The following WWC1 variants were observed in gnomAD, a reference collection of about 807,000 sequenced individuals.
The protein encoded by WWC1 is protein KIBRA.
In WWC1, 55 loss-of-function variants were observed where a neutral mutation model predicts 138.4. The ratio of observed to expected loss-of-function variants is 0.40; its 90% CI spans 0.32 to 0.50. WWC1 has a LOEUF of 0.50. Ranked by LOEUF, WWC1 falls within the 20% of genes least tolerant of loss-of-function variation. The probability of loss-of-function intolerance (pLI) is 0.72; values close to 1 mark genes in which losing one functional copy is unlikely to be tolerated. For synonymous variants in WWC1, 524 were observed against 564.9 expected, an observed-to-expected ratio of 0.93 and a Z score of 1.03; for missense variants, 1,226 against 1,420.4, an observed-to-expected ratio of 0.86 and a Z score of 2.20.
intron 1 of WWC1, among the ~76,000 whole-genome samples, chr5:168,348,785 G>T (rs553037546): frequency 6.6e-6 from 1 of 152,268 alleles, no homozygotes; most frequent in East Asian, 1.9e-4. Flanking sequence ...TTGGGGTGGG[G>T]CCAGGGGTAT....
At chr5:168,369,895 A>ATTTTTT (rs35999257) in intron 1 of WWC1, among the ~76,000 whole-genome samples, 20 of 89,006 alleles carry the variant, frequency 2.2e-4, no homozygotes, top group African/African-American at 7.7e-4. Context: ...TCATTGTGCA[A>ATTTTTT]TTTTTTTTTT....
At chr5:168,446,624 G>C (rs973181378) in intron 17 of WWC1, among the ~76,000 whole-genome samples, 1 of 152,178 alleles carries the variant, frequency 6.6e-6, no homozygotes, top group Non-Finnish European at 1.5e-5. Context: ...AGAATGTGAC[G>C]AGCACCACAG....
chr5:168,461,662 G>A (rs1756822398), intron 20 of WWC1, among the ~76,000 whole-genome samples: 2 of 152,224 alleles, frequency 1.3e-5, no homozygotes, highest in African/African-American at 4.8e-5. Context: ...AGGGCTGCAG[G>A]AGATGCAGGG....
In WWC1 at chr5:168,423,646, C is replaced by G. The variant is rs779594601; in HGVS notation, c.1388C>G (p.Thr463Ser). The change falls in exon 11 of 23, where the codon ACT (threonine) becomes AGT (serine). Residue 463 changes from threonine to serine, a missense_variant. Thr to Ser is a moderately conservative substitution (Grantham distance 58). This residue lies in a region of WWC1 where 1,016 missense variants were observed against 1,153.9 expected (regional missense o/e 0.88). Transcript: ENST00000265293. Reference sequence around the variant, plus strand: ...GACTCCTCCACTTCAGCCAGCTTCACTGACCTCTACTATGACCCCTTTGAG... The same window carrying G: ...GACTCCTCCACTTCAGCCAGCTTCAGTGACCTCTACTATGACCCCTTTGAG... ...SLDSSTSASF[T>S]DLYYDPFEQL... 16 of 1,614,188 alleles carry G rather than the reference C, an allele frequency of 9.9e-6. No homozygotes were observed. Among genetic ancestry groups the G allele is most frequent in the Non-Finnish European group, 1.3e-5 (15 of 1,180,034 alleles).
At chr5:168,332,152 A>G (rs1198261619) in intron 1 of WWC1, among the ~76,000 whole-genome samples, 1 of 152,076 alleles carries the variant, frequency 6.6e-6, no homozygotes, top group Non-Finnish European at 1.5e-5. Flanking sequence ...TCTCAAAAAA[A>G]AAAAAAAGAT....
intron 1 of WWC1, among the ~76,000 whole-genome samples, chr5:168,334,373 C>G (rs566226048): frequency 1.3e-4 from 20 of 152,266 alleles, no homozygotes; most frequent in Admixed American, 3.3e-4. Flanking sequence ...CAACAGGTCT[C>G]GAGAGACATT....
chr5:168,362,684 G>C (rs918987189), intron 1 of WWC1, among the ~76,000 whole-genome samples: 1 of 152,250 alleles, frequency 6.6e-6, no homozygotes, highest in African/African-American at 2.4e-5. Flanking sequence ...GCAGCACACA[G>C]AGGGGATTAG....
intron 1 of WWC1, among the ~76,000 whole-genome samples, chr5:168,369,840 A>G (rs535157183): frequency 1.3e-5 from 2 of 150,670 alleles, no homozygotes; most frequent in Admixed American, 1.3e-4. Context: ...GGAGAGTGTA[A>G]GCCTCTTTTT....
intron 1 of WWC1, among the ~76,000 whole-genome samples, chr5:168,347,709 C>T (rs188445550): frequency 4.3e-4 from 65 of 152,072 alleles, no homozygotes; most frequent in Admixed American, 3.8e-3. Context: ...TTTATTAGCC[C>T]GAGTGAAATT....
In WWC1 at chr5:168,409,943, C is replaced by A. The variant is rs1481393288; in HGVS notation, c.889C>A (p.Gln297Lys). The change falls in exon 8 of 23, where the codon CAG becomes AAG. Residue 297 changes from glutamine (Q) to lysine (K), a missense_variant. By Grantham distance (53) the Gln-to-Lys change is moderately conservative. Around this residue, in one of 3 missense-constraint regions of WWC1, gnomAD observed 1,016 missense variants for 1,153.9 expected, o/e 0.88. Transcript: ENST00000265293. Reference protein sequence around the residue: ...SGSFGINSNNQLAEKVRLRLR... With the variant: ...SGSFGINSNNKLAEKVRLRLR... ...CCAGTTCGGCATCAACAGCAACAAT[C>A]AGTTGGCAGAGAAGGTCAGATTGCG... The A allele has an allele frequency of 3.7e-6, 6 of 1,613,864 alleles. No individual in the cohort carries two copies. The African/African-American group carries it at 4.0e-5, about 11-fold the overall frequency.
intron 3 of WWC1, among the ~76,000 whole-genome samples, chr5:168,386,377 C>CT (rs59691686): frequency 0.51 from 73,061 of 143,814 alleles, 19,264 homozygotes; most frequent in African/African-American, 0.68. Context: ...TCCCCTTGTT[C>CT]TTTTTTTTTT....
chr5:168,412,834 C>A (rs907770780), intron 8 of WWC1, among the ~76,000 whole-genome samples: 6 of 152,122 alleles, frequency 3.9e-5, no homozygotes, highest in Admixed American at 6.6e-5. Flanking sequence ...TTAAAGTATA[C>A]AGGAGAGTAT....
intron 17 of WWC1, among the ~76,000 whole-genome samples, chr5:168,453,616 G>C (rs1295840159): frequency 6.6e-6 from 1 of 152,096 alleles, no homozygotes; most frequent in Non-Finnish European, 1.5e-5. Context: ...CGTGACCTCG[G>C]TTCACTGCAA....
intron 15 of WWC1, among the ~76,000 whole-genome samples, chr5:168,433,899 CT>C (rs1214517082): frequency 6.6e-6 from 1 of 152,224 alleles, no homozygotes; most frequent in Non-Finnish European, 1.5e-5. Context: ...AGTGGAGAAA[CT>C]GAGGCACAAA....
intron 16 of WWC1, 86 bp downstream of exon 16, chr5:168,441,920 C>G: frequency 6.6e-7 from 1 of 1,514,328 alleles, no homozygotes; most frequent in South Asian, 1.3e-5. Context: ...TGGAGGTGAT[C>G]AGGCGTCATG....
intron 5 of WWC1, among the ~76,000 whole-genome samples, chr5:168,403,006 T>TTCTTTCTTTC (rs1220927332): frequency 3.8e-5 from 4 of 105,694 alleles, no homozygotes; most frequent in South Asian, 3.5e-4. Flanking sequence ...TGTTGTTTCT[T>TTCTTTCTTTC]TTTCTTTCTT....
intron 1 of WWC1, among the ~76,000 whole-genome samples, chr5:168,340,016 TTCTTTCTTTCCTTTCTTTC>T (rs1773908101): frequency 6.7e-6 from 1 of 148,660 alleles, no homozygotes; most frequent in East Asian, 2.0e-4. Flanking sequence ...TTTCTTTCTT[TTCTTTCTTTCCTTTCTTTC>T]CTTTCTTTTC....
chr5:168,457,764 A>T (rs1466403740), intron 19 of WWC1, among the ~76,000 whole-genome samples: 1 of 152,182 alleles, frequency 6.6e-6, no homozygotes, highest in Non-Finnish European at 1.5e-5. Flanking sequence ...TTCAATATTT[A>T]TGCCTCCACC....
chr5:168,468,861 A>G, intron 22 of WWC1, 90 bp from the exon 23 acceptor site: 1 of 1,398,248 alleles, frequency 7.2e-7, no homozygotes, highest in Admixed American at 1.7e-5. Flanking sequence ...AATGTATAGG[A>G]CAGCTCCCAC....
Sources: allele counts gnomAD v4.1 joint callset (sites outside exome capture counted in the v4.1 genomes callset), GRCh38; gene constraint gnomAD v4.1.1; regional missense constraint gnomAD v4.1.1; transcripts MANE v1.5; gene names NCBI Gene and HGNC (gene_info 2026-07-23, HGNC 2026-07-21).